The following SLC9A9 variants were observed in gnomAD, a reference collection of about 807,000 sequenced individuals.
SLC9A9 encodes the protein solute carrier family 9 member A9, also known as sodium/hydrogen exchanger 9.
SLC9A9 carries 62 observed loss-of-function variants against 77.8 expected under a neutral mutation model. The observed-to-expected ratio is 0.80, with a 90% confidence interval of 0.65 to 0.98. The LOEUF is 0.98. SLC9A9 is among the 50% of genes least tolerant of loss of function. The pLI is 0.00. For missense variants in SLC9A9, 775 were observed against 774.9 expected, an observed-to-expected ratio of 1.00 and a Z score of 0.00; for synonymous variants, 320 against 283.5, an observed-to-expected ratio of 1.13 and a Z score of -1.29.
intron 14 of SLC9A9, among the ~76,000 whole-genome samples, chr3:143,350,927 CCAA>C (rs761927925): frequency 1.3e-5 from 2 of 152,308 alleles, no homozygotes; most frequent in South Asian, 2.1e-4. Context: ...CTCGAATCTA[CCAA>C]CAACTGTTAA....
chr3:143,396,419 C>G lies in SLC9A9; in HGVS notation c.1470-14305G>C, dbSNP rs143624588. On this transcript the variant is annotated intron_variant, in intron 12 of 15. Transcript: ENST00000316549. ...CATGAGAACACATGGACACAGGAAG[C>G]GGAACATCACACACAGCCTGTTGTG... Among the ~76,000 whole-genome samples, 648 of 152,136 alleles carry G rather than the reference C, an allele frequency of 4.3e-3. 4 individuals carry two copies. Among genetic ancestry groups the G allele is most frequent in the African/African-American group, 0.015 (617 of 41,496 alleles).
intron 9 of SLC9A9, among the ~76,000 whole-genome samples, chr3:143,496,533 T>C (rs1475583202): frequency 1.3e-5 from 2 of 152,250 alleles, no homozygotes; most frequent in Non-Finnish European, 2.9e-5. Flanking sequence ...AGAAACATTA[T>C]TTAAAACCAG....
chr3:143,620,230 C>A (rs999408316), intron 6 of SLC9A9, among the ~76,000 whole-genome samples: 6 of 152,334 alleles, frequency 3.9e-5, no homozygotes, highest in African/African-American at 1.2e-4. Flanking sequence ...CTAAACTCCT[C>A]CACTTTCTAG....
intron 2 of SLC9A9, among the ~76,000 whole-genome samples, chr3:143,809,319 T>C (rs1421545910): frequency 6.6e-6 from 1 of 152,264 alleles, no homozygotes; most frequent in East Asian, 1.9e-4. Context: ...TATTGAATTA[T>C]ATTTTCTGGA....
At chr3:143,294,777 A>G (rs2030176449) in intron 14 of SLC9A9, among the ~76,000 whole-genome samples, 1 of 152,214 alleles carries the variant, frequency 6.6e-6, no homozygotes, top group South Asian at 2.1e-4. Flanking sequence ...TTACTTGCTT[A>G]AGGTCACACA....
chr3:143,299,589 G>T (rs773550488), intron 14 of SLC9A9, among the ~76,000 whole-genome samples: 1 of 152,098 alleles, frequency 6.6e-6, no homozygotes, highest in Non-Finnish European at 1.5e-5. Context: ...GACTACAGGT[G>T]CCTGCCACCT....
At chr3:143,556,857 A>G (rs1227243069) in intron 8 of SLC9A9, among the ~76,000 whole-genome samples, 2 of 152,138 alleles carry the variant, frequency 1.3e-5, no homozygotes, top group East Asian at 3.8e-4. Context: ...ATAAAATCCA[A>G]CTTGTATCTT....
At chr3:143,318,976 A>G (rs2031320814) in intron 14 of SLC9A9, among the ~76,000 whole-genome samples, 1 of 152,218 alleles carries the variant, frequency 6.6e-6, no homozygotes, top group Non-Finnish European at 1.5e-5. Context: ...CAAGTTTCTT[A>G]TCTTGACCTT....
intron 11 of SLC9A9, among the ~76,000 whole-genome samples, chr3:143,473,297 G>A (rs1465792238): frequency 6.6e-6 from 1 of 152,130 alleles, no homozygotes; most frequent in Non-Finnish European, 1.5e-5. Context: ...CTAGCTTTAT[G>A]AGGTCACGAT....
chr3:143,735,709 T>C (rs1469038603), intron 4 of SLC9A9, among the ~76,000 whole-genome samples: 1 of 152,260 alleles, frequency 6.6e-6, no homozygotes, highest in Non-Finnish European at 1.5e-5. Context: ...ATTTCTCAGG[T>C]ATAATAATTC....
intron 9 of SLC9A9, among the ~76,000 whole-genome samples, chr3:143,536,905 A>G (rs1176296347): frequency 1.3e-5 from 2 of 152,212 alleles, no homozygotes; most frequent in Non-Finnish European, 2.9e-5. Context: ...GCTGCATATT[A>G]GAACCATCTG....
chr3:143,622,501 T>C (rs954892996), intron 6 of SLC9A9, among the ~76,000 whole-genome samples: 28 of 152,310 alleles, frequency 1.8e-4, no homozygotes, highest in Non-Finnish European at 1.0e-4. Flanking sequence ...CAGAATTTCA[T>C]ATCCAGCCAA....
chr3:143,683,739 A>C (rs2108775360), intron 5 of SLC9A9, among the ~76,000 whole-genome samples: 1 of 152,280 alleles, frequency 6.6e-6, no homozygotes, highest in East Asian at 1.9e-4. Flanking sequence ...ATCTATAAGA[A>C]TAGATGTCAA....
intron 12 of SLC9A9, among the ~76,000 whole-genome samples, chr3:143,402,637 A>G (rs1329466290): frequency 6.6e-6 from 1 of 151,868 alleles, no homozygotes; most frequent in Non-Finnish European, 1.5e-5. Flanking sequence ...TCCATATGTC[A>G]TAAGTCTATT....
chr3:143,797,581 AAAG>A (rs1302736046), intron 2 of SLC9A9, among the ~76,000 whole-genome samples: 2 of 152,082 alleles, frequency 1.3e-5, no homozygotes, highest in Non-Finnish European at 2.9e-5. Context: ...TTCCACCACA[AAAG>A]AAGTGAAAAT....
chr3:143,815,546 TAAAAAA>T (rs879891528), intron 2 of SLC9A9, among the ~76,000 whole-genome samples: 39,539 of 151,158 alleles, frequency 0.26, 6,161 homozygotes, highest in Non-Finnish European at 0.34. Context: ...TTTGCTATTT[TAAAAAA>T]AAAAAAAGGT....
chr3:143,294,848 C>T (rs2030179211), intron 14 of SLC9A9, among the ~76,000 whole-genome samples: 1 of 152,252 alleles, frequency 6.6e-6, no homozygotes, highest in Non-Finnish European at 1.5e-5. Context: ...ACACATAGCC[C>T]AGGCAATAAA....
chr3:143,775,927 C>T (rs969099904), intron 4 of SLC9A9, among the ~76,000 whole-genome samples: 1 of 151,976 alleles, frequency 6.6e-6, no homozygotes, highest in Non-Finnish European at 1.5e-5. Flanking sequence ...CTTTAAGCAC[C>T]GTTAAAATCT....
At chr3:143,573,542 T>C (rs2037304891) in intron 8 of SLC9A9, among the ~76,000 whole-genome samples, 2 of 152,180 alleles carry the variant, frequency 1.3e-5, no homozygotes, top group African/African-American at 4.8e-5. Flanking sequence ...CTGTTCCACC[T>C]TAGAGGACTC....
Sources: allele counts gnomAD v4.1 joint callset (sites outside exome capture counted in the v4.1 genomes callset), GRCh38; gene constraint gnomAD v4.1.1; transcripts MANE v1.5; gene names NCBI Gene and HGNC (gene_info 2026-07-23, HGNC 2026-07-21).